Variants in GLI2 observed in about 807,000 individuals in gnomAD.
GLI2 encodes GLI family zinc finger 2.
A neutral mutation model predicts 78.9 loss-of-function variants in GLI2; 22 were observed. That is an observed-to-expected ratio of 0.28 (90% CI 0.20 to 0.40). GLI2 has a LOEUF of 0.40. Ranked by LOEUF, GLI2 falls within the 10% of genes least tolerant of loss-of-function variation. The pLI is 1.00. For synonymous variants in GLI2, 974 were observed against 963.7 expected, an observed-to-expected ratio of 1.01 and a Z score of -0.20; for missense variants, 2,097 against 2,213.2, an observed-to-expected ratio of 0.95 and a Z score of 1.05.
chr2:120,933,926 G>T (rs1011104434), intron 3 of GLI2, among the ~76,000 whole-genome samples: 46 of 151,496 alleles, frequency 3.0e-4, no homozygotes, highest in African/African-American at 8.7e-4. Context: ...GCTGCTTCCT[G>T]CCCAGAAGGG....
chr2:120,808,938 C>T (rs527621430), intron 2 of GLI2, among the ~76,000 whole-genome samples: 34 of 152,252 alleles, frequency 2.2e-4, no homozygotes, highest in South Asian at 1.2e-3. Context: ...TTCTCAGCAG[C>T]GCCCACATGC....
chr2:120,936,017 G>A (rs777603958), intron 3 of GLI2, among the ~76,000 whole-genome samples: 5 of 151,778 alleles, frequency 3.3e-5, no homozygotes, highest in Non-Finnish European at 5.9e-5. Flanking sequence ...TGCAGTGGGG[G>A]AGGGGCTGCG....
At chr2:120,790,871 C>T (rs1684134135) in intron 1 of GLI2, among the ~76,000 whole-genome samples, 1 of 152,110 alleles carries the variant, frequency 6.6e-6, no homozygotes, top group Non-Finnish European at 1.5e-5. Flanking sequence ...CTGACTGTCC[C>T]CCCAGGGCCC....
At chr2:120,932,493 G>C (rs1679992089) in intron 3 of GLI2, among the ~76,000 whole-genome samples, 1 of 152,084 alleles carries the variant, frequency 6.6e-6, no homozygotes, top group Non-Finnish European at 1.5e-5. Context: ...GGAGTACCTT[G>C]GTCATCACCC....
chr2:120,932,420 G>A (rs554963012), intron 3 of GLI2, among the ~76,000 whole-genome samples: 1 of 152,208 alleles, frequency 6.6e-6, no homozygotes, highest in African/African-American at 2.4e-5. Flanking sequence ...CGCACCCAGT[G>A]TGTGCAGGCT....
chr2:120,879,500 C>T (rs1677001667), intron 2 of GLI2, among the ~76,000 whole-genome samples: 1 of 152,164 alleles, frequency 6.6e-6, no homozygotes, highest in African/African-American at 2.4e-5. Context: ...TGCAGTAGTT[C>T]CTCACCCGTG....
chr2:120,820,596 C>T (rs1685722255), intron 2 of GLI2, among the ~76,000 whole-genome samples: 1 of 152,220 alleles, frequency 6.6e-6, no homozygotes, highest in Non-Finnish European at 1.5e-5. Context: ...GCTCCGGACA[C>T]CCTGCGGGGA....
chr2:120,743,711 C>G (rs62150664), intron 1 of GLI2, among the ~76,000 whole-genome samples: 3 of 152,106 alleles, frequency 2.0e-5, no homozygotes, highest in Non-Finnish European at 2.9e-5. Context: ...CACTCAATAG[C>G]TGGGTGACCC....
At chr2:120,941,814 C>T (rs1357027252) in intron 3 of GLI2, among the ~76,000 whole-genome samples, 2 of 152,150 alleles carry the variant, frequency 1.3e-5, no homozygotes, top group East Asian at 1.9e-4. Flanking sequence ...CACAAGCCAG[C>T]GGTTCCGAGG....
chr2:120,909,115 T>C (rs1558874436), intron 2 of GLI2, among the ~76,000 whole-genome samples: 1 of 152,146 alleles, frequency 6.6e-6, no homozygotes, highest in Admixed American at 6.5e-5. Flanking sequence ...CATAGGATTG[T>C]GGCATGATTG....
At chr2:120,736,849 C>T (rs1282946451) in intron 1 of GLI2, among the ~76,000 whole-genome samples, 1 of 150,648 alleles carries the variant, frequency 6.6e-6, no homozygotes, top group Non-Finnish European at 1.5e-5. Context: ...GCCGCCCCCT[C>T]CCCCTCTGCT....
intron 2 of GLI2, among the ~76,000 whole-genome samples, chr2:120,815,904 G>A (rs1363023825): frequency 1.2e-4 from 18 of 152,298 alleles, no homozygotes; most frequent in Admixed American, 9.1e-4. Context: ...GGACAAGCTG[G>A]AACCCACCAG....
intron 2 of GLI2, among the ~76,000 whole-genome samples, chr2:120,840,651 A>G (rs1338953821): frequency 6.6e-6 from 1 of 152,234 alleles, no homozygotes; most frequent in Non-Finnish European, 1.5e-5. Flanking sequence ...GCATGTGGCT[A>G]CAAACACTCA....
chr2:120,845,597 C>A (rs955965371), intron 2 of GLI2, among the ~76,000 whole-genome samples: 1 of 152,162 alleles, frequency 6.6e-6, no homozygotes, highest in African/African-American at 2.4e-5. Flanking sequence ...CCCTGGGAGA[C>A]CTGGAAAGCA....
intron 2 of GLI2, among the ~76,000 whole-genome samples, chr2:120,817,797 C>A (rs1376121016): frequency 1.3e-5 from 2 of 152,166 alleles, no homozygotes; most frequent in African/African-American, 4.8e-5. Context: ...CCTGGCCCCG[C>A]TCCAGACTCC....
At chr2:120,935,405 G>C (rs767381643) in intron 3 of GLI2, among the ~76,000 whole-genome samples, 1 of 152,332 alleles carries the variant, frequency 6.6e-6, no homozygotes, top group Admixed American at 6.5e-5. Context: ...GCTGTCTGAG[G>C]GTAGACCGAC....
intron 2 of GLI2, among the ~76,000 whole-genome samples, chr2:120,809,649 C>T (rs1012134916): frequency 4.6e-5 from 7 of 152,194 alleles, no homozygotes; most frequent in Non-Finnish European, 2.9e-5. Flanking sequence ...CTGCTGCTCA[C>T]AGCCCCTGGG....
At position 120,818,035 on chromosome 2, in the gene GLI2, G is replaced by A. The variant is rs140079521; in HGVS notation, c.148+20567G>A. On this transcript the variant is annotated intron_variant, in intron 2 of 13. Transcript: ENST00000361492. ...TGATGGGATCCTGTTTCTAAACCCC[G>A]TGCTCCACTCTTGCCTGTGCTTTTC... Among the ~76,000 whole-genome samples, 412 of 152,314 alleles carry A rather than the reference G, an allele frequency of 2.7e-3. 3 individuals carry two copies. Among genetic ancestry groups the A allele is most frequent in the African/African-American group, 9.1e-3 (380 of 41,584 alleles).
intron 1 of GLI2, among the ~76,000 whole-genome samples, chr2:120,747,309 G>A (rs1682723246): frequency 6.6e-6 from 1 of 152,148 alleles, no homozygotes; most frequent in African/African-American, 2.4e-5. Context: ...ACACACACAA[G>A]CCACTTGCAA....
Sources: gnomAD v4.1 joint callset for allele counts (sites outside exome capture counted in the v4.1 genomes callset) on GRCh38, gnomAD v4.1.1 for gene constraint, MANE v1.5 for transcripts, NCBI Gene and HGNC (gene_info 2026-07-23, HGNC 2026-07-21) for gene names.